The following RGS12 variants were observed in gnomAD, a reference collection of about 807,000 sequenced individuals.
RGS12 encodes regulator of G-protein signaling 12.
In RGS12, 66 loss-of-function variants were observed where a neutral mutation model predicts 120.1. The observed-to-expected ratio is 0.55, with a 90% CI of 0.45 to 0.67. The LOEUF is 0.67. Among genes scored for constraint, RGS12 ranks in the 30% least tolerant of loss-of-function variants. The probability of loss-of-function intolerance (pLI) is 0.00; values close to 1 mark genes in which losing one functional copy is unlikely to be tolerated. For synonymous variants in RGS12, 827 were observed against 804.7 expected (o/e 1.03, Z -0.47); for missense variants, 1,859 against 1,957.7 (o/e 0.95, Z 0.95).
intron 12 of RGS12, 140 bp downstream of exon 12, chr4:3,423,118 G>T (rs1723215067): frequency 1.1e-5 from 6 of 562,232 alleles, no homozygotes; most frequent in African/African-American, 1.9e-5. Context: ...GCGGGGGGAG[G>T]GTGGAGGCCC....
chr4:3,376,260 A>G (rs1268924693), intron 3 of RGS12, among the ~76,000 whole-genome samples: 2 of 79,660 alleles, frequency 2.5e-5, no homozygotes, highest in African/African-American at 7.5e-5. Context: ...ACACACACAC[A>G]CACACACACA....
chr4:3,377,875 A>G (rs539621014), intron 3 of RGS12, among the ~76,000 whole-genome samples: 1 of 152,338 alleles, frequency 6.6e-6, no homozygotes, highest in South Asian at 2.1e-4. Flanking sequence ...AAATGTGTTT[A>G]CTTGAGTGTA....
intron 1 of RGS12, among the ~76,000 whole-genome samples, chr4:3,300,948 C>A (rs1396475678): frequency 1.3e-5 from 2 of 152,250 alleles, no homozygotes; most frequent in African/African-American, 2.4e-5. Context: ...CCCCACTGCA[C>A]CTGCCTAGAC....
intron 16 of RGS12, 95 bp downstream of exon 16, chr4:3,428,806 G>T: frequency 9.1e-7 from 1 of 1,097,516 alleles, no homozygotes; most frequent in East Asian, 2.4e-5. Flanking sequence ...CAGCATCTGG[G>T]TGACTGCGGT....
chr4:3,338,503 C>A (rs185647957), intron 2 of RGS12, among the ~76,000 whole-genome samples: 1 of 152,238 alleles, frequency 6.6e-6, no homozygotes, highest in Non-Finnish European at 1.5e-5. Flanking sequence ...GTAGTAATGC[C>A]GGTTGACCGG....
intron 13 of RGS12, among the ~76,000 whole-genome samples, chr4:3,424,637 G>C (rs905917971): frequency 2.0e-5 from 3 of 152,214 alleles, no homozygotes; most frequent in Non-Finnish European, 2.9e-5. Context: ...GGCTGGCTGC[G>C]GTCAGGCTCG....
chr4:3,318,631 A>C (rs1273587519), intron 2 of RGS12, among the ~76,000 whole-genome samples: 7 of 152,222 alleles, frequency 4.6e-5, no homozygotes. Flanking sequence ...TGCTGCCTTG[A>C]AGACCTGGAC....
chr4:3,425,192 C>G (rs1357384129), intron 13 of RGS12, among the ~76,000 whole-genome samples: 2 of 152,192 alleles, frequency 1.3e-5, no homozygotes, highest in Non-Finnish European at 2.9e-5. Context: ...TAGCAGCGTC[C>G]GAGGGTCAGT....
intron 9 of RGS12, among the ~76,000 whole-genome samples, chr4:3,420,193 G>C: frequency 6.6e-6 from 1 of 152,216 alleles, no homozygotes; most frequent in East Asian, 1.9e-4. Context: ...CCGGCTGAGA[G>C]CGCTGGCTGT....
intron 4 of RGS12, among the ~76,000 whole-genome samples, chr4:3,404,999 G>A (rs1720956510): frequency 6.6e-6 from 1 of 152,198 alleles, no homozygotes; most frequent in African/African-American, 2.4e-5. Flanking sequence ...GAGGGACTGA[G>A]CTTCCAAAAA....
intron 3 of RGS12, among the ~76,000 whole-genome samples, chr4:3,360,260 C>T (rs1167249460): frequency 6.6e-6 from 1 of 151,972 alleles, no homozygotes; most frequent in East Asian, 1.9e-4. Flanking sequence ...CTTTTTTTCC[C>T]TTAGTTCATT....
At chr4:3,410,715 G>T (rs1721642439) in intron 4 of RGS12, among the ~76,000 whole-genome samples, 1 of 152,242 alleles carries the variant, frequency 6.6e-6, no homozygotes, top group Admixed American at 6.5e-5. Flanking sequence ...TCTTGGCCAG[G>T]AGGATGGCTA....
At chr4:3,336,287 A>G (rs112348122) in intron 2 of RGS12, among the ~76,000 whole-genome samples, 2 of 152,180 alleles carry the variant, frequency 1.3e-5, no homozygotes, top group East Asian at 3.9e-4. Context: ...ACTCCATGGC[A>G]TCTCAGAGTC....
At chr4:3,416,163 G>A (rs780544581) in intron 7 of RGS12, 42 bp downstream of exon 7, 2 of 1,609,478 alleles carry the variant, frequency 1.2e-6, no homozygotes, top group Non-Finnish European at 1.7e-6. Context: ...TCCAGGCTAG[G>A]GCTCGGGGTA....
rs749190435 is a variant in RGS12, at chr4:3,430,997, G to A, written c.4114+42G>A. 29 of 1,599,666 alleles carry A rather than the reference G, an allele frequency of 1.8e-5. No homozygotes were observed. The East Asian group carries it at 2.7e-4, about 15-fold the overall frequency. On this transcript the variant is annotated intron_variant, in intron 17 of 17. Transcript: ENST00000336727. ...ATCCCTCCACCTTGGCCCCGTAAGC[G>A]TGGTCTGCTCAGCTTCCAGTCAGAA...
At position 3,366,300 on chromosome 4, in the gene RGS12, A is replaced by T. The variant is rs1175474679; in HGVS notation, c.1999-20116A>T. On this transcript the variant is annotated intron_variant, in intron 3 of 17. Coordinates refer to ENST00000336727, the MANE Select transcript of RGS12 (RefSeq NM_001394154.1). The surrounding 1 kb of genome is among the most constrained non-coding windows in gnomAD (Gnocchi z 4.0). ...GGGGTCAGGGGTGGAGGGCAGGAGG[A>T]TGGGAGAGCCCAGCTGGGGGAGATT... Among the ~76,000 whole-genome samples, 1 of 151,984 alleles carries T rather than the reference A, an allele frequency of 6.6e-6. No homozygotes were observed. Among genetic ancestry groups the T allele is most frequent in the African/African-American group, 2.4e-5 (1 of 41,346 alleles).
rs1716272970 is a variant in RGS12, at chr4:3,366,094, G to T, written c.1999-20322G>T. 6.6e-6 allele frequency among the ~76,000 whole-genome samples: 1 copy of T among 152,160 alleles called. No homozygotes were observed. The highest frequency in any genetic ancestry group is 1.5e-5 in the Non-Finnish European group (1 of 68,030). On this transcript the variant is annotated intron_variant, in intron 3 of 17. Transcript: ENST00000336727. The surrounding 1 kb of genome is among the most constrained non-coding windows in gnomAD (Gnocchi z 4.0). Reference sequence around the variant, plus strand: ...CCAGGCAGTGGTGGGACCTCATCTGGGGGGTGCTGGCCTGGGCAGCACCAT... The same window carrying T: ...CCAGGCAGTGGTGGGACCTCATCTGTGGGGTGCTGGCCTGGGCAGCACCAT...
chr4:3,405,916 G>GC (rs56050929), intron 4 of RGS12, among the ~76,000 whole-genome samples: 2 of 151,620 alleles, frequency 1.3e-5, no homozygotes, highest in African/African-American at 2.4e-5. Context: ...AGAAAAAGTT[G>GC]CCCCCCCAAA....
In RGS12 at chr4:3,439,590, G is replaced by C. The variant is rs751560062; in HGVS notation, c.4250G>C (p.Gly1417Ala). ...GGCCCTGGGAGGTCGCAGGCCAGTG[G>C]TGGGCCTCCTACATCAGACCTCCCT... is the stretch of plus-strand genomic sequence containing the variant. ...QAGPGRSQAS[G>A]GPPTSDLPGL... The change falls in exon 18 of 18, where the codon GGT (glycine) becomes GCT (alanine). Residue 1417 changes from glycine to alanine, a missense_variant. By Grantham distance (60) the Gly-to-Ala change is moderately conservative. This residue lies in a region of RGS12 where 517 missense variants were observed against 488.5 expected (regional missense o/e 1.06). Coordinates refer to ENST00000336727, the MANE Select transcript of RGS12 (RefSeq NM_001394154.1). 4.3e-6 allele frequency: 7 copies of C among 1,610,640 alleles called. No homozygotes were observed. The highest frequency in any genetic ancestry group is 5.1e-6 in the Non-Finnish European group (6 of 1,178,698).
Sources: allele counts gnomAD v4.1 joint callset (sites outside exome capture counted in the v4.1 genomes callset), GRCh38; gene constraint gnomAD v4.1.1; regional missense constraint gnomAD v4.1.1; non-coding constraint Gnocchi (gnomAD v3.1); transcripts MANE v1.5; gene names NCBI Gene and HGNC (gene_info 2026-07-23, HGNC 2026-07-21).